Variants in KCNJ15 observed in about 807,000 individuals in gnomAD.
KCNJ15 encodes ATP-sensitive inward rectifier potassium channel 15.
A neutral mutation model predicts 23.0 loss-of-function variants in KCNJ15; 14 were observed. The observed-to-expected ratio is 0.61, with a 90% CI of 0.40 to 0.95. KCNJ15 has a LOEUF of 0.95. KCNJ15 is among the 40% of genes least tolerant of loss of function. The probability of loss-of-function intolerance (pLI) is 0.00; values close to 1 mark genes in which losing one functional copy is unlikely to be tolerated. For synonymous variants in KCNJ15, 185 were observed against 183.2 expected, an observed-to-expected ratio of 1.01 and a Z score of -0.08; for missense variants, 388 against 461.8, an observed-to-expected ratio of 0.84 and a Z score of 1.46.
chr21:38,247,430 A>T (rs1979501183), intron 1 of KCNJ15, among the ~76,000 whole-genome samples: 1 of 151,842 alleles, frequency 6.6e-6, no homozygotes, highest in African/African-American at 2.4e-5. Context: ...GGATGGTTGG[A>T]TAGATGCATA....
Position 38,302,300 on chromosome 21 carries a change from T to C in KCNJ15, c.*1911T>C, listed in dbSNP as rs1601268955. On this transcript the variant is annotated 3_prime_UTR_variant, in exon 3 of 3. Transcript: ENST00000398938. ...AGATTACAGCAAATCTGGATATATA[T>C]TGATGTTACTGCATTTGCAAATGTC... 3.3e-5 allele frequency: 5 copies of C among 152,222 alleles called. No homozygotes were observed. In the South Asian group the frequency reaches 1.0e-3, roughly 32 times the overall value. The allele number at this position is 152,222 out of a possible 1,614,324, so 9.4% of individuals were successfully genotyped here.
chr21:38,249,351 C>A (rs1979674196), intron 1 of KCNJ15, among the ~76,000 whole-genome samples: 1 of 152,164 alleles, frequency 6.6e-6, no homozygotes, highest in Non-Finnish European at 1.5e-5. Flanking sequence ...GGTAAGGCTG[C>A]ACCTTTAGAA....
At position 38,305,834 on chromosome 21, in the gene KCNJ15, T is replaced by C. The variant is rs1986036367; in HGVS notation, c.*5445T>C. The stretch of plus-strand genomic sequence containing the variant: ...CAAGAGAAATACATGCCTCTTTATT[T>C]GGAGTTTATGATATTCATACAACTA... On this transcript the variant is annotated 3_prime_UTR_variant, in exon 3 of 3. Transcript: ENST00000398938. 6.6e-6 allele frequency: 1 copy of C among 152,230 alleles called. No homozygotes were observed. The highest frequency in any genetic ancestry group is 1.5e-5 in the Non-Finnish European group (1 of 68,038). 9.4% of individuals were successfully genotyped at this position (152,230 alleles called of 1,614,324 possible). A position where few individuals can be genotyped will look rare whatever the true frequency, so the allele number is the denominator to read the frequency against.
Position 38,304,091 on chromosome 21 carries a change from T to A in KCNJ15, c.*3702T>A, listed in dbSNP as rs1601271595. ...TTTTTGAACTTGAAAATCAGCTTTTTATTTTTTTTAATTTTATTATTATTA... is the reference window on the plus strand; with the variant it reads ...TTTTTGAACTTGAAAATCAGCTTTTAATTTTTTTTAATTTTATTATTATTA... On this transcript the variant is annotated 3_prime_UTR_variant, in exon 3 of 3. Transcript: ENST00000398938. 6.6e-6 allele frequency: 1 copy of A among 151,948 alleles called. No homozygotes were observed. Among genetic ancestry groups the A allele is most frequent in the South Asian group, 2.1e-4 (1 of 4,834 alleles). The allele number at this position is 151,948 out of a possible 1,614,324, so 9.4% of individuals were successfully genotyped here. A position where few individuals can be genotyped will look rare whatever the true frequency, so the allele number is the denominator to read the frequency against.
intron 1 of KCNJ15, among the ~76,000 whole-genome samples, chr21:38,263,758 G>A (rs1293987755): frequency 6.6e-6 from 1 of 152,212 alleles, no homozygotes; most frequent in African/African-American, 2.4e-5. Context: ...ACTGGGGCCT[G>A]ACTACCTCTG....
intron 1 of KCNJ15, among the ~76,000 whole-genome samples, chr21:38,287,237 G>T (rs1984003881): frequency 1.3e-5 from 2 of 152,204 alleles, no homozygotes; most frequent in Non-Finnish European, 2.9e-5. Context: ...CCTCTGGTAA[G>T]CCATGCATGA....
Position 38,302,896 on chromosome 21 carries a change from C to A in KCNJ15, c.*2507C>A, listed in dbSNP as rs974070429. The A allele has an allele frequency of 5.3e-5, 8 of 152,062 alleles. No homozygotes were observed. The highest frequency in any genetic ancestry group is 1.9e-4 in the African/African-American group (8 of 41,396). The allele number at this position is 152,062 out of a possible 1,614,324, so 9.4% of individuals were successfully genotyped here. A position where few individuals can be genotyped will look rare whatever the true frequency, so the allele number is the denominator to read the frequency against. ...AACAAATATTGCAGCAGAAATATCA[C>A]CTTAAAAATATCTTATTTTATATTT... On this transcript the variant is annotated 3_prime_UTR_variant, in exon 3 of 3. Transcript: ENST00000398938.
chr21:38,256,960 A>G (rs954946968), upstream of KCNJ15: 2 of 133,208 alleles, frequency 1.5e-5, no homozygotes, highest in Non-Finnish European at 3.1e-5. Flanking sequence ...CCTCTGCCCA[A>G]TGTCTCCCAA....
chr21:38,293,466 G>C (rs1035705512), intron 1 of KCNJ15, among the ~76,000 whole-genome samples: 1 of 152,182 alleles, frequency 6.6e-6, no homozygotes, highest in Non-Finnish European at 1.5e-5. Context: ...GGACCCAGCC[G>C]AGAGGCACAG....
chr21:38,243,806 G>C (rs1184794718), intron 1 of KCNJ15, among the ~76,000 whole-genome samples: 2 of 152,204 alleles, frequency 1.3e-5, no homozygotes, highest in Non-Finnish European at 2.9e-5. Context: ...GGGCATGGCT[G>C]TCTTGAAATG....
intron 1 of KCNJ15, among the ~76,000 whole-genome samples, chr21:38,286,684 T>G (rs1286386977): frequency 6.6e-6 from 1 of 152,228 alleles, no homozygotes; most frequent in African/African-American, 2.4e-5. Flanking sequence ...GAATTACTGG[T>G]AATATCTACA....
chr21:38,240,029 T>G (rs1307861782), intron 1 of KCNJ15, among the ~76,000 whole-genome samples: 1 of 152,156 alleles, frequency 6.6e-6, no homozygotes, highest in African/African-American at 2.4e-5. Flanking sequence ...CCTCTAGTTT[T>G]GGAGTGTATG....
At position 38,299,929 on chromosome 21, in the gene KCNJ15, A is replaced by G. The variant is rs1408256864; in HGVS notation, c.668A>G (p.Lys223Arg). Reference sequence around the variant, plus strand: ...AAGCTCCTGCAGACCCACGTCACCAAGGAGGGGGAGCGGATTCTCCTCAAC... The same window carrying G: ...AAGCTCCTGCAGACCCACGTCACCAGGGAGGGGGAGCGGATTCTCCTCAAC... The part of the protein sequence containing the change: ...SGKLLQTHVT[K>R]EGERILLNQA... Residue 223 changes from lysine to arginine, a missense_variant, in exon 3 of 3, where the codon AAG (lysine) becomes AGG (arginine). Transcript: ENST00000398938. This position sits in a 1 kb window ranked among gnomAD's most constrained non-coding sequence, Gnocchi z 4.5. The G allele has an allele frequency of 2.5e-6, 4 of 1,614,034 alleles. No individual in the cohort carries two copies. In the Admixed American group the frequency reaches 5.0e-5, roughly 20 times the overall value.
upstream of KCNJ15, among the ~76,000 whole-genome samples, chr21:38,256,385 T>G (rs370019885): frequency 7.0e-6 from 1 of 142,596 alleles, no homozygotes; most frequent in African/African-American, 2.8e-5. Flanking sequence ...TATATAATAT[T>G]TATCAGGGAA....
intron 1 of KCNJ15, among the ~76,000 whole-genome samples, chr21:38,247,424 G>A (rs1421148865): frequency 2.0e-5 from 3 of 151,376 alleles, no homozygotes; most frequent in Admixed American, 2.0e-4. Context: ...ATAAATGGAT[G>A]GTTGGATAGA....
intron 1 of KCNJ15, among the ~76,000 whole-genome samples, chr21:38,276,991 C>T (rs371188343): frequency 6.0e-5 from 9 of 150,380 alleles, no homozygotes; most frequent in South Asian, 4.2e-4. Flanking sequence ...TGGTAATTGA[C>T]AATTACTATG....
chr21:38,246,564 A>T (rs183146963), intron 1 of KCNJ15, among the ~76,000 whole-genome samples: 3 of 152,314 alleles, frequency 2.0e-5, no homozygotes, highest in Non-Finnish European at 2.9e-5. Context: ...ACATTTTAAA[A>T]ATGCTAGTTA....
intron 1 of KCNJ15, among the ~76,000 whole-genome samples, chr21:38,292,002 C>T (rs1251893858): frequency 6.6e-6 from 1 of 152,174 alleles, no homozygotes; most frequent in African/African-American, 2.4e-5. Flanking sequence ...TTAATTACAG[C>T]TGCTTAATCT....
At position 38,300,409 on chromosome 21, in the gene KCNJ15, G is replaced by A. The variant is rs374046793; in HGVS notation, c.*20G>A. 15 of 1,568,444 alleles carry A rather than the reference G, an allele frequency of 9.6e-6. No homozygotes were observed. Among genetic ancestry groups the A allele is most frequent in the Non-Finnish European group, 1.3e-5 (15 of 1,156,682 alleles). ...GTCTGATCACAGGGGCGCCATCCAGGTTTAACCCTGCAAGCTGTTTCCACA... is the reference window on the plus strand; with the variant it reads ...GTCTGATCACAGGGGCGCCATCCAGATTTAACCCTGCAAGCTGTTTCCACA... On this transcript the variant is annotated 3_prime_UTR_variant, in exon 3 of 3. Coordinates refer to ENST00000398938, the MANE Select transcript of KCNJ15 (RefSeq NM_170736.3).
Sources: gnomAD v4.1 joint callset for allele counts (sites outside exome capture counted in the v4.1 genomes callset) on GRCh38, gnomAD v4.1.1 for gene constraint, Gnocchi (gnomAD v3.1) non-coding constraint, MANE v1.5 for transcripts, NCBI Gene and HGNC (gene_info 2026-07-23, HGNC 2026-07-21) for gene names.